The following CHIT1 variants were observed in gnomAD, a reference collection of about 807,000 sequenced individuals.
The protein encoded by CHIT1 is chitinase 1.
In CHIT1, 47 loss-of-function variants were observed where a neutral mutation model predicts 52.0. That is an observed-to-expected ratio of 0.90 (90% CI 0.71 to 1.15). The LOEUF (loss-of-function observed/expected upper bound fraction) is 1.15. Ranked by LOEUF, CHIT1 falls within the 50% of genes most tolerant of loss-of-function variation. The pLI is 0.00. For missense variants in CHIT1, 569 were observed against 583.0 expected (o/e 0.98, Z 0.25); for synonymous variants, 242 against 228.2 (o/e 1.06, Z -0.54).
chr1:203,223,906 A>G (rs1172701763), intron 4 of CHIT1, among the ~76,000 whole-genome samples: 4 of 151,938 alleles, frequency 2.6e-5, no homozygotes, highest in African/African-American at 9.7e-5. Flanking sequence ...GCACATGGAC[A>G]CCCTAGGAGC....
At chr1:203,228,474 TG>T in intron 2 of CHIT1, 58 bp downstream of exon 2, 1 of 1,541,796 alleles carries the variant, frequency 6.5e-7, no homozygotes, top group Non-Finnish European at 8.8e-7. Context: ...GAAGGTGTTT[TG>T]GGACATTAAG....
intron 9 of CHIT1, among the ~76,000 whole-genome samples, chr1:203,218,845 G>A (rs1656630755): frequency 6.6e-6 from 1 of 152,204 alleles, no homozygotes; most frequent in Non-Finnish European, 1.5e-5. Context: ...TTGGGCAGGA[G>A]AAGGGGGTCC....
At chr1:203,218,022 G>A in intron 9 of CHIT1, 157 bp from the exon 10 acceptor site, 1 of 1,533,696 alleles carries the variant, frequency 6.5e-7, no homozygotes, top group African/African-American at 1.4e-5. Flanking sequence ...CTGGGAGCCT[G>A]GATGCTGAGT....
Position 203,225,679 on chromosome 1 carries a change from G to C in CHIT1, c.247C>G (p.Leu83Val). The change falls in exon 3 of 11, where the codon CTG becomes GTG. Residue 83 changes from leucine (L) to valine (V), a missense_variant. Transcript: ENST00000367229. ...TCTGCTTTGGCTCACATCTTCTTCA[G>C]GCCATTGAACTCCTGGTAGAGAGTC... ...DETLYQEFNG[L>V]KKMNPKLKTL... 6.2e-7 allele frequency: 1 copy of C among 1,613,446 alleles called. No homozygotes were observed. The highest frequency in any genetic ancestry group is 8.5e-7 in the Non-Finnish European group (1 of 1,179,606).
intron 1 of CHIT1, 103 bp downstream of exon 1, chr1:203,229,509 G>A (rs1558164990): frequency 7.3e-7 from 1 of 1,362,370 alleles, no homozygotes; most frequent in East Asian, 2.4e-5. Flanking sequence ...AAGTTCTCCT[G>A]AGTCCTCCTG....
intron 2 of CHIT1, among the ~76,000 whole-genome samples, chr1:203,228,188 C>T (rs1011152022): frequency 6.6e-6 from 1 of 152,150 alleles, no homozygotes; most frequent in African/African-American, 2.4e-5. Context: ...AGAGAGACAC[C>T]TAAGCCAATA....
chr1:203,220,958 G>A (rs1452385115), intron 7 of CHIT1, among the ~76,000 whole-genome samples: 2 of 152,150 alleles, frequency 1.3e-5, no homozygotes, highest in African/African-American at 4.8e-5. Flanking sequence ...GGTGCTGGAG[G>A]GACTCCCACC....
intron 7 of CHIT1, among the ~76,000 whole-genome samples, chr1:203,222,000 C>A (rs961907912): frequency 6.6e-6 from 1 of 152,214 alleles, no homozygotes; most frequent in Non-Finnish European, 1.5e-5. Flanking sequence ...AGCCAAGATG[C>A]TCCACAGAAG....
chr1:203,229,602 G>A lies in CHIT1; in HGVS notation c.25+10C>T, dbSNP rs189252028. On this transcript the variant is annotated intron_variant, in intron 1 of 10. Coordinates refer to ENST00000367229, the MANE Select transcript of CHIT1 (RefSeq NM_003465.3). Reference sequence around the variant, plus strand: ...GCTCCCGAGACCCAGCCCACTATCCGACGGCTCACCTGCCCAGGCCACAGA... The same window carrying A: ...GCTCCCGAGACCCAGCCCACTATCCAACGGCTCACCTGCCCAGGCCACAGA... 4.6e-5 allele frequency: 75 copies of A among 1,613,880 alleles called. No homozygotes were observed. Among genetic ancestry groups the A allele is most frequent in the Middle Eastern group, 1.6e-4 (1 of 6,062 alleles).
rs1308855552 is a variant in CHIT1, at chr1:203,225,065, C to T, written c.297G>A (p.Trp99Ter). The T allele has an allele frequency of 1.1e-5, 17 of 1,613,760 alleles. No homozygotes were observed. In the Admixed American group the frequency reaches 2.8e-4, roughly 27 times the overall value. ...KLKTLLAIGG[W>*]NFGTQKFTDM... ...CAACTAACTTCTGAGTGCCGAAATT[C>T]CAGCCTCCGATGGCTAACAGGGTCT... is the stretch of plus-strand genomic sequence containing the variant. The change falls in exon 4 of 11, where the codon TGG becomes TGA. Residue 99 changes from tryptophan to a stop codon, truncating the protein, a stop_gained. Coordinates refer to ENST00000367229, the MANE Select transcript of CHIT1 (RefSeq NM_003465.3). LOFTEE classifies it high-confidence loss of function.
Position 203,228,515 on chromosome 1 carries a change from A to C in CHIT1, c.55+18T>G. The stretch of plus-strand genomic sequence containing the variant: ...GCCCAGGGAAGGGGCTGAGGCAGCC[A>C]AGAAAGAGGCTACTTACCCCATGGG... On this transcript the variant is annotated intron_variant, in intron 2 of 10. Coordinates refer to ENST00000367229, the MANE Select transcript of CHIT1 (RefSeq NM_003465.3). 1 of 1,584,386 alleles carries C rather than the reference A, an allele frequency of 6.3e-7. No homozygotes were observed. Among genetic ancestry groups the C allele is most frequent in the South Asian group, 1.1e-5 (1 of 87,238 alleles).
intron 8 of CHIT1, 100 bp downstream of exon 8, chr1:203,219,564 A>T (rs2486958): frequency 7.3e-7 from 1 of 1,378,256 alleles, no homozygotes; most frequent in Non-Finnish European, 1.0e-6. Flanking sequence ...ATTCTCTGCA[A>T]TTGGCATCCT....
At chr1:203,224,650 GA>G (rs1485296419) in intron 4 of CHIT1, among the ~76,000 whole-genome samples, 1 of 152,120 alleles carries the variant, frequency 6.6e-6, no homozygotes, top group African/African-American at 2.4e-5. Context: ...TTTGTACTCA[GA>G]AGTGGAATAA....
At chr1:203,222,576 C>T (rs534912368) in intron 6 of CHIT1, among the ~76,000 whole-genome samples, 3 of 152,274 alleles carry the variant, frequency 2.0e-5, no homozygotes, top group Admixed American at 2.0e-4. Flanking sequence ...CACCCCCAGG[C>T]CCTCCCTATT....
chr1:203,229,721 C>T, upstream of CHIT1: 1 of 1,550,062 alleles, frequency 6.5e-7, no homozygotes, highest in South Asian at 1.1e-5. Context: ...CTGTCCCACC[C>T]CAGCCAGGAG....
chr1:203,224,641 T>C (rs537979127), intron 4 of CHIT1, among the ~76,000 whole-genome samples: 1 of 152,294 alleles, frequency 6.6e-6, no homozygotes, highest in Admixed American at 6.5e-5. Context: ...AGATTACCTT[T>C]TGTACTCAGA....
intron 7 of CHIT1, among the ~76,000 whole-genome samples, chr1:203,220,730 A>G (rs1004502404): frequency 6.6e-6 from 1 of 152,316 alleles, no homozygotes; most frequent in Non-Finnish European, 1.5e-5. Flanking sequence ...CTTTTTGTCC[A>G]TCTATACAAC....
rs748581856 is a variant in CHIT1, at chr1:203,216,898, G to C, written c.1392C>G (p.Thr464=). The C allele has an allele frequency of 1.2e-6, 2 of 1,613,982 alleles. No individual in the cohort carries two copies. Among genetic ancestry groups the C allele is most frequent in the East Asian group, 4.5e-5 (2 of 44,896 alleles). ...LVFSNSCKCC[T]WN Reference sequence around the variant, plus strand: ...GAGGGGCTTTAGCGACTCAATTCCAGGTGCAGCATTTGCAGGAGTTGCTGA... The same window carrying C: ...GAGGGGCTTTAGCGACTCAATTCCACGTGCAGCATTTGCAGGAGTTGCTGA... The change falls in exon 11 of 11, where the codon ACC becomes ACG. Residue 464 remains threonine, a synonymous_variant. Transcript: ENST00000367229.
At chr1:203,219,637 AC>A in intron 8 of CHIT1, 26 bp downstream of exon 8, 5 of 1,613,218 alleles carry the variant, frequency 3.1e-6, no homozygotes, top group Non-Finnish European at 4.2e-6. Flanking sequence ...CCCTCACAAT[AC>A]CCAGGGTGGT....
Sources: allele counts gnomAD v4.1 joint callset (sites outside exome capture counted in the v4.1 genomes callset), GRCh38; gene constraint gnomAD v4.1.1; transcripts MANE v1.5; gene names NCBI Gene and HGNC (gene_info 2026-07-23, HGNC 2026-07-21).